Variants in C10orf90 observed in about 807,000 individuals in gnomAD.
C10orf90 encodes (E2-independent) E3 ubiquitin-conjugating enzyme FATS.
Under a neutral mutation model 62.5 loss-of-function variants are expected in C10orf90, and 56 were observed. The observed-to-expected ratio is 0.90, with a 90% CI of 0.72 to 1.12. C10orf90 has a LOEUF of 1.12. C10orf90 is among the 50% of genes most tolerant of loss of function. The pLI, the probability that C10orf90 is intolerant of heterozygous loss-of-function variation, is 0.00. For missense variants in C10orf90, 970 were observed against 880.4 expected, an observed-to-expected ratio of 1.10 and a Z score of -1.29; for synonymous variants, 386 against 340.4, an observed-to-expected ratio of 1.13 and a Z score of -1.47.
chr10:126,500,337 C>A (rs537740012), intron 4 of C10orf90, among the ~76,000 whole-genome samples: 3 of 152,268 alleles, frequency 2.0e-5, no homozygotes, highest in East Asian at 3.9e-4. Context: ...GCTCTAGCAC[C>A]AATTGGCCAC....
intron 2 of C10orf90, among the ~76,000 whole-genome samples, chr10:126,631,092 T>C (rs1253684577): frequency 6.6e-5 from 10 of 152,194 alleles, no homozygotes; most frequent in Non-Finnish European, 7.3e-5. Context: ...GGCCAGATTA[T>C]CCAGGTGTTA....
intron 2 of C10orf90, among the ~76,000 whole-genome samples, chr10:126,629,947 C>T (rs1325289163): frequency 6.6e-6 from 1 of 152,188 alleles, no homozygotes; most frequent in Non-Finnish European, 1.5e-5. Context: ...GACAAGCCTC[C>T]CTTTTACATT....
intron 4 of C10orf90, among the ~76,000 whole-genome samples, chr10:126,465,313 G>C (rs1403458049): frequency 6.6e-6 from 1 of 151,796 alleles, no homozygotes; most frequent in Non-Finnish European, 1.5e-5. Flanking sequence ...TAAAATTGAG[G>C]TAAGGCAATA....
chr10:126,501,717 A>G (rs1197194664), intron 4 of C10orf90, among the ~76,000 whole-genome samples: 1 of 152,162 alleles, frequency 6.6e-6, no homozygotes, highest in Non-Finnish European at 1.5e-5. Context: ...TATATACACC[A>G]TGGACTACTA....
chr10:126,632,440 T>C (rs1845869068), intron 2 of C10orf90, among the ~76,000 whole-genome samples: 1 of 151,866 alleles, frequency 6.6e-6, no homozygotes. Context: ...TATTCCCATT[T>C]GGTAGATAAT....
intron 2 of C10orf90, among the ~76,000 whole-genome samples, chr10:126,529,631 T>C (rs1864040928): frequency 2.6e-5 from 4 of 152,154 alleles, no homozygotes. Flanking sequence ...TTCAACCTCA[T>C]TAGTAAAGAG....
At chr10:126,609,665 G>A (rs1845390036) in intron 2 of C10orf90, among the ~76,000 whole-genome samples, 1 of 152,224 alleles carries the variant, frequency 6.6e-6, no homozygotes, top group South Asian at 2.1e-4. Flanking sequence ...TGTGGGAGAA[G>A]AGGGACAGGA....
At chr10:126,527,981 T>C (rs947109590) in intron 2 of C10orf90, among the ~76,000 whole-genome samples, 5 of 152,170 alleles carry the variant, frequency 3.3e-5, no homozygotes, top group Non-Finnish European at 7.3e-5. Context: ...AATTTAACAT[T>C]TTTACCCTTG....
At chr10:126,631,939 C>T (rs976564159) in intron 2 of C10orf90, among the ~76,000 whole-genome samples, 2 of 152,156 alleles carry the variant, frequency 1.3e-5, no homozygotes, top group East Asian at 3.9e-4. Flanking sequence ...CACAGGGGAC[C>T]AGACACTGTC....
chr10:126,600,492 A>C (rs1321776693), intron 2 of C10orf90, among the ~76,000 whole-genome samples: 1 of 152,166 alleles, frequency 6.6e-6, no homozygotes, highest in Non-Finnish European at 1.5e-5. Flanking sequence ...TGACAACCAA[A>C]GCCAATCAAA....
At chr10:126,534,752 C>T (rs1265834339) in intron 2 of C10orf90, among the ~76,000 whole-genome samples, 1 of 152,216 alleles carries the variant, frequency 6.6e-6, no homozygotes, top group African/African-American at 2.4e-5. Context: ...TTTCCCTACA[C>T]CCTCAGCAAA....
chr10:126,541,586 A>T (rs1447967073), intron 2 of C10orf90, among the ~76,000 whole-genome samples: 1 of 152,342 alleles, frequency 6.6e-6, no homozygotes, highest in East Asian at 1.9e-4. Context: ...GCCAAAAAGC[A>T]CATGAAGACA....
At chr10:126,585,380 AAAG>A (rs1350686031) in intron 2 of C10orf90, among the ~76,000 whole-genome samples, 1 of 150,212 alleles carries the variant, frequency 6.7e-6, no homozygotes, top group Non-Finnish European at 1.5e-5. Flanking sequence ...GGAAGGAAGA[AAAG>A]AAAGGAAAGA....
At chr10:126,535,311 A>T (rs1864205455) in intron 2 of C10orf90, among the ~76,000 whole-genome samples, 1 of 151,898 alleles carries the variant, frequency 6.6e-6, no homozygotes, top group Non-Finnish European at 1.5e-5. Context: ...AGGTCAGGAG[A>T]TTGAGACCAT....
chr10:126,481,581 C>T (rs755195523), intron 4 of C10orf90, among the ~76,000 whole-genome samples: 19 of 152,320 alleles, frequency 1.2e-4, no homozygotes, highest in Non-Finnish European at 2.5e-4. Context: ...TTTTCTTGCA[C>T]CATTCCCTCT....
intron 4 of C10orf90, among the ~76,000 whole-genome samples, chr10:126,479,976 T>TG (rs1205933450): frequency 2.0e-5 from 3 of 152,224 alleles, no homozygotes. Flanking sequence ...TTTTATCCCT[T>TG]GAAAAATATA....
chr10:126,551,244 C>T (rs1864623189), intron 2 of C10orf90, among the ~76,000 whole-genome samples: 1 of 152,186 alleles, frequency 6.6e-6, no homozygotes, highest in South Asian at 2.1e-4. Context: ...AGAACATTTG[C>T]TATAATGCAC....
In C10orf90 at chr10:126,670,409, C is replaced by T. The variant is rs1846726305; in HGVS notation, c.72G>A (p.Val24=). Residue 24 remains valine, a synonymous_variant, in exon 1 of 10, where the codon GTG becomes GTA. Transcript: ENST00000488181. ...ATGTTTTTATCTGGAAAGTCCGATG[C>T]ACGGCCGTTTCTGTGTAGCGGGCAG... The part of the protein sequence containing the change: ...GYAARYTETA[V]HRTFQIKTFS... 1 of 456,612 alleles carries T rather than the reference C, an allele frequency of 2.2e-6. No homozygotes were observed. The highest frequency in any genetic ancestry group is 4.4e-6 in the Non-Finnish European group (1 of 226,984). 28.3% of individuals were successfully genotyped at this position (456,612 alleles called of 1,614,324 possible). A position where few individuals can be genotyped will look rare whatever the true frequency, so the allele number is the denominator to read the frequency against.
At chr10:126,661,870 T>C (rs1211972615) in intron 1 of C10orf90, among the ~76,000 whole-genome samples, 1 of 152,128 alleles carries the variant, frequency 6.6e-6, no homozygotes, top group African/African-American at 2.4e-5. Flanking sequence ...TCCTTGAATT[T>C]AAAGGGCAAA....
Sources: allele counts gnomAD v4.1 joint callset (sites outside exome capture counted in the v4.1 genomes callset), GRCh38; gene constraint gnomAD v4.1.1; transcripts MANE v1.5; gene names NCBI Gene and HGNC (gene_info 2026-07-23, HGNC 2026-07-21).